LIG1: variants seen among roughly 807,000 people sequenced by gnomAD.
The protein encoded by LIG1 is ligase I, DNA, ATP-dependent.
A neutral mutation model predicts 115.7 loss-of-function variants in LIG1; 70 were observed. The ratio of observed to expected loss-of-function variants is 0.60; its 90% confidence interval spans 0.50 to 0.74. The LOEUF (loss-of-function observed/expected upper bound fraction) is 0.74, where lower values mean the gene tolerates loss of function less well. LIG1 is among the 30% of genes least tolerant of loss of function. The pLI is 0.00. For missense variants in LIG1, 1,115 were observed against 1,225.6 expected (o/e 0.91, Z 1.35); for synonymous variants, 487 against 495.3 (o/e 0.98, Z 0.22).
In LIG1 at chr19:48,151,216, A is replaced by T; in HGVS notation, c.574+16T>A. 1 of 1,544,478 alleles carries T rather than the reference A, an allele frequency of 6.5e-7. No individual in the cohort carries two copies. On this transcript the variant is annotated intron_variant, in intron 7 of 27. Coordinates refer to ENST00000263274, the MANE Select transcript of LIG1 (RefSeq NM_000234.3). Reference sequence around the variant, plus strand: ...CAGGAGGTGGGGCAGGGCGGAGGAGAGGACCAGAAACTCACTGGAGGTCTT... The same window carrying T: ...CAGGAGGTGGGGCAGGGCGGAGGAGTGGACCAGAAACTCACTGGAGGTCTT...
Position 48,128,711 on chromosome 19 carries a change from G to A in LIG1, c.1822-691C>T, listed in dbSNP as rs917152399. Among the ~76,000 whole-genome samples, 36 of 152,254 alleles carry A rather than the reference G, an allele frequency of 2.4e-4. 1 individual carries two copies. Reference sequence around the variant, plus strand: ...AACACTGTTGCCCAAGCCGGGGGCAGCATTCATGTTGTATCCTGGAGCCAG... The same window carrying A: ...AACACTGTTGCCCAAGCCGGGGGCAACATTCATGTTGTATCCTGGAGCCAG... On this transcript the variant is annotated intron_variant, in intron 19 of 27. Transcript: ENST00000263274.
chr19:48,156,382 T>C (rs930043778), intron 5 of LIG1, among the ~76,000 whole-genome samples: 1 of 152,224 alleles, frequency 6.6e-6, no homozygotes, highest in Non-Finnish European at 1.5e-5. Context: ...ACAGTCACAA[T>C]GACCCACAAT....
chr19:48,129,935 T>C (rs1003906755), intron 19 of LIG1, among the ~76,000 whole-genome samples: 2 of 152,088 alleles, frequency 1.3e-5, no homozygotes, highest in African/African-American at 4.8e-5. Context: ...TTTGTATTTT[T>C]AGTAGAGATG....
chr19:48,156,938 CAAAAAAAAAAAAAAA>C lies in LIG1; in HGVS notation c.370+61_370+75del, dbSNP rs370802542. ...TAGGCAACAGAGCGAGACTATGTCT[CAAAAAAAAAAAAAAA>C]AAAAAAAAAGAGAAAAAGAAAGGCA... On this transcript the variant is annotated intron_variant, in intron 5 of 27. Coordinates refer to ENST00000263274, the MANE Select transcript of LIG1 (RefSeq NM_000234.3). 1.1e-5 allele frequency: 7 copies of C among 611,012 alleles called. No homozygotes were observed. The African/African-American group carries it at 1.9e-4, about 16-fold the overall frequency. 37.8% of individuals were successfully genotyped at this position (611,012 alleles called of 1,614,324 possible). A position where few individuals can be genotyped will look rare whatever the true frequency, so the allele number is the denominator to read the frequency against.
At chr19:48,150,341 T>C (rs924135424) in intron 7 of LIG1, 131 bp from the exon 8 acceptor site, 4 of 1,372,460 alleles carry the variant, frequency 2.9e-6, no homozygotes, top group Non-Finnish European at 4.0e-6. Context: ...TTTTCCTTTC[T>C]GTTAGCTTTG....
intron 25 of LIG1, 139 bp from the exon 26 acceptor site, chr19:48,117,920 G>A (rs1343655424): frequency 4.7e-6 from 4 of 851,024 alleles, no homozygotes; most frequent in African/African-American, 1.7e-5. Context: ...AGTGAAATAA[G>A]GGAAAAGAAA....
Position 48,117,639 on chromosome 19 carries a change from A to T in LIG1, c.2582T>A (p.Leu861Gln). The T allele has an allele frequency of 6.2e-7, 1 of 1,612,290 alleles. No homozygotes were observed. Among genetic ancestry groups the T allele is most frequent in the Non-Finnish European group, 8.5e-7 (1 of 1,179,576 alleles). Reference sequence around the variant, plus strand: ...ACGGCCAGGTCCTCTGCCACTCACCAGGCCCCGCGCAGCAGGGTAGATGGG... The same window carrying T: ...ACGGCCAGGTCCTCTGCCACTCACCTGGCCCCGCGCAGCAGGGTAGATGGG... ...LSPIYPAARG[L>Q]VDSDKGISLR... The change falls in exon 26 of 28, where the codon CTG becomes CAG. Residue 861 changes from leucine to glutamine, a missense_variant and splice_region_variant. Transcript: ENST00000263274.
At chr19:48,152,819 G>A (rs541297709) in intron 6 of LIG1, among the ~76,000 whole-genome samples, 7 of 152,328 alleles carry the variant, frequency 4.6e-5, no homozygotes, top group African/African-American at 7.2e-5. Context: ...AGGAAATGAC[G>A]TTGGCAGTTT....
intron 9 of LIG1, among the ~76,000 whole-genome samples, chr19:48,148,979 T>C (rs900456829): frequency 9.2e-5 from 14 of 151,874 alleles, no homozygotes; most frequent in African/African-American, 3.1e-4. Context: ...TAAGGCAGAG[T>C]AGACGCGCCT....
chr19:48,168,069 C>T (rs2036575876), intron 1 of LIG1, among the ~76,000 whole-genome samples: 1 of 152,142 alleles, frequency 6.6e-6, no homozygotes, highest in Admixed American at 6.5e-5. Context: ...CTCTCCACAA[C>T]AACTCTGTTA....
intron 11 of LIG1, among the ~76,000 whole-genome samples, chr19:48,141,808 A>G (rs574227503): frequency 1.3e-5 from 2 of 152,332 alleles, no homozygotes; most frequent in East Asian, 3.9e-4. Flanking sequence ...AACATCAGGG[A>G]AATCCCTCAG....
chr19:48,166,464 T>C (rs1036165845), intron 1 of LIG1, among the ~76,000 whole-genome samples: 3 of 152,184 alleles, frequency 2.0e-5, no homozygotes, highest in Admixed American at 6.5e-5. Flanking sequence ...ACATCTCAGT[T>C]GGAAGACAAA....
Position 48,137,182 on chromosome 19 carries a change from G to T in LIG1, c.1255-98C>A. On this transcript the variant is annotated intron_variant, in intron 13 of 27. Transcript: ENST00000263274. The surrounding 1 kb of genome is among the most constrained non-coding windows in gnomAD (Gnocchi z 4.3). Reference sequence around the variant, plus strand: ...TGCTGCCCTGCATTTTGGAATACCTGCCCTCCTTCCCTCACCCCATCCCCA... The same window carrying T: ...TGCTGCCCTGCATTTTGGAATACCTTCCCTCCTTCCCTCACCCCATCCCCA... The T allele has an allele frequency of 5.8e-6, 6 of 1,030,766 alleles. No individual in the cohort carries two copies. The highest frequency in any genetic ancestry group is 1.5e-6 in the Non-Finnish European group (1 of 673,430). The allele number at this position is 1,030,766 out of a possible 1,614,324, so 63.9% of individuals were successfully genotyped here.
chr19:48,151,582 A>C (rs2035480522), intron 6 of LIG1, among the ~76,000 whole-genome samples: 1 of 151,800 alleles, frequency 6.6e-6, no homozygotes, highest in African/African-American at 2.4e-5. Context: ...GGCGCCCACC[A>C]CCACATCCAG....
Position 48,115,964 on chromosome 19 carries a change from A to G in LIG1, c.2585T>C (p.Val862Ala), listed in dbSNP as rs898652788. Residue 862 changes from valine (V) to alanine (A), a missense_variant and splice_region_variant, in exon 27 of 28, where the codon GTG (valine) becomes GCG (alanine). Val to Ala is a moderately conservative substitution (Grantham distance 64). Transcript: ENST00000263274. ...SPIYPAARGL[V>A]DSDKGISLRF... is the part of the protein sequence containing the mutation. ...AAGGGAGATGCCCTTGTCACTATCC[A>G]CCTGCGGAAGCGGGATGGAGACTCC... 1.9e-6 allele frequency: 3 copies of G among 1,612,764 alleles called. No homozygotes were observed. Among genetic ancestry groups the G allele is most frequent in the Non-Finnish European group, 2.5e-6 (3 of 1,179,618 alleles).
chr19:48,149,689 G>A, intron 9 of LIG1, 74 bp downstream of exon 9: 3 of 1,166,512 alleles, frequency 2.6e-6, no homozygotes, highest in Non-Finnish European at 2.6e-6. Flanking sequence ...AGCCTGAGCT[G>A]GGGGTGGGGC....
intron 26 of LIG1, 66 bp from the exon 27 acceptor site, chr19:48,116,031 C>T (rs1600297866): frequency 1.7e-6 from 2 of 1,160,092 alleles, no homozygotes; most frequent in Non-Finnish European, 2.6e-6. Context: ...TCTCCTCCCT[C>T]CTCCACTCTG....
Position 48,127,167 on chromosome 19 carries a change from T to C in LIG1, c.2004+110A>G, listed in dbSNP as rs897274914. ...GAACTGCTGCCCAAGTGTGGCTTCCTGGCCATGTGAAGTGGCAGAGTCGGA... is the reference window on the plus strand; with the variant it reads ...GAACTGCTGCCCAAGTGTGGCTTCCCGGCCATGTGAAGTGGCAGAGTCGGA... On this transcript the variant is annotated intron_variant, in intron 21 of 27. Coordinates refer to ENST00000263274, the MANE Select transcript of LIG1 (RefSeq NM_000234.3). 4 of 884,442 alleles carry C rather than the reference T, an allele frequency of 4.5e-6. No individual in the cohort carries two copies. In the Admixed American group the frequency reaches 5.2e-5, roughly 11 times the overall value. 54.8% of individuals were successfully genotyped at this position (884,442 alleles called of 1,614,324 possible).
chr19:48,132,301 C>T (rs953064279), intron 18 of LIG1, among the ~76,000 whole-genome samples: 1 of 152,086 alleles, frequency 6.6e-6, no homozygotes, highest in African/African-American at 2.4e-5. Context: ...GGACCAAGGA[C>T]GCCTGAGGCC....
Sources: allele counts gnomAD v4.1 joint callset (sites outside exome capture counted in the v4.1 genomes callset), GRCh38; gene constraint gnomAD v4.1.1; non-coding constraint Gnocchi (gnomAD v3.1); transcripts MANE v1.5; gene names NCBI Gene and HGNC (gene_info 2026-07-23, HGNC 2026-07-21).